Variants in PTPRN2 observed in about 807,000 individuals in gnomAD.
The protein encoded by PTPRN2 is protein tyrosine phosphatase receptor type N2.
A neutral mutation model predicts 118.8 loss-of-function variants in PTPRN2; 74 were observed. The ratio of observed to expected loss-of-function variants is 0.62; its 90% CI spans 0.52 to 0.76. PTPRN2 has a LOEUF of 0.76. Ranked by LOEUF, PTPRN2 falls within the 30% of genes least tolerant of loss-of-function variation. PTPRN2 has a pLI of 0.00. For missense variants in PTPRN2, 1,481 were observed against 1,394.4 expected (o/e 1.06, Z -0.99); for synonymous variants, 641 against 608.0 (o/e 1.05, Z -0.80).
chr7:157,957,489 C>T (rs1272190863), intron 11 of PTPRN2, among the ~76,000 whole-genome samples: 1 of 152,074 alleles, frequency 6.6e-6, no homozygotes, highest in African/African-American at 2.4e-5. Context: ...ACAACAGATA[C>T]AAGATTCAAA....
rs1797560692 is a variant in PTPRN2, at chr7:157,903,081, C to A, written c.1724-4344G>T. Reference sequence around the variant, plus strand: ...GCAAAAGCAGAAAGCCACACGCTGCCACACACTCTCACACGGAAGCAGGAA... The same window carrying A: ...GCAAAAGCAGAAAGCCACACGCTGCAACACACTCTCACACGGAAGCAGGAA... On this transcript the variant is annotated intron_variant, in intron 11 of 22. Transcript: ENST00000389418. This position sits in a 1 kb window ranked among gnomAD's most constrained non-coding sequence, Gnocchi z 4.2. Among the ~76,000 whole-genome samples the A allele has an allele frequency of 6.6e-6, 1 of 151,666 alleles. No individual in the cohort carries two copies. Among genetic ancestry groups the A allele is most frequent in the Non-Finnish European group, 1.5e-5 (1 of 68,026 alleles).
chr7:158,296,303 C>T (rs929915308), intron 3 of PTPRN2, among the ~76,000 whole-genome samples: 2 of 152,138 alleles, frequency 1.3e-5, no homozygotes, highest in African/African-American at 4.8e-5. Flanking sequence ...CACCAGCAGA[C>T]TAGGTAGTTG....
chr7:157,856,714 A>G (rs1010947367), intron 12 of PTPRN2, among the ~76,000 whole-genome samples: 6 of 152,260 alleles, frequency 3.9e-5, no homozygotes, highest in African/African-American at 1.4e-4. Flanking sequence ...CTGTGCTGCA[A>G]TGATGTGTGG....
In PTPRN2 at chr7:157,591,240, CCTTT is replaced by C. The variant is rs888825478; in HGVS notation, c.2496+3994_2496+3997del. On this transcript the variant is annotated intron_variant, in intron 17 of 22. Transcript: ENST00000389418. This position sits in a 1 kb window ranked among gnomAD's most constrained non-coding sequence, Gnocchi z 4.4. ...GACACGGCCATCTTTCCCATCACGG[CCTTT>C]CTCACGCTCACACTTTCTTCCTGGA... Among the ~76,000 whole-genome samples, 7 of 152,174 alleles carry C rather than the reference CCTTT, an allele frequency of 4.6e-5. No individual in the cohort carries two copies. The highest frequency in any genetic ancestry group is 1.7e-4 in the African/African-American group (7 of 41,444).
chr7:158,534,152 GACCACCCACACCCC>G, intron 1 of PTPRN2, among the ~76,000 whole-genome samples: 1 of 103,314 alleles, frequency 9.7e-6, no homozygotes, highest in Non-Finnish European at 2.0e-5. Flanking sequence ...TGCAGGTTGT[GACCACCCACACCCC>G]GGGCTCCGTC....
At chr7:157,807,398 A>G (rs112332449) in intron 12 of PTPRN2, among the ~76,000 whole-genome samples, 102 of 152,312 alleles carry the variant, frequency 6.7e-4, no homozygotes, top group African/African-American at 2.4e-3. Flanking sequence ...TTCAGAGAGC[A>G]GGAATAGCAC....
intron 12 of PTPRN2, among the ~76,000 whole-genome samples, chr7:157,767,751 G>C (rs10256010): frequency 0.035 from 5,291 of 152,298 alleles, 326 homozygotes; most frequent in African/African-American, 0.12. Flanking sequence ...TGTGGAGGCG[G>C]TGGGAACCAG....
intron 12 of PTPRN2, among the ~76,000 whole-genome samples, chr7:157,835,545 G>C (rs556248175): frequency 1.3e-5 from 2 of 152,294 alleles, no homozygotes; most frequent in South Asian, 4.1e-4. Context: ...TCCTAAGGAT[G>C]GGGGAGAGTT....
chr7:157,564,194 C>T (rs1242997316), intron 21 of PTPRN2, among the ~76,000 whole-genome samples: 4 of 152,166 alleles, frequency 2.6e-5, no homozygotes, highest in African/African-American at 9.7e-5. Flanking sequence ...CGCAATGGTG[C>T]GATCTCAGGT....
intron 2 of PTPRN2, among the ~76,000 whole-genome samples, chr7:158,372,616 CGCTGGTCCCCGGA>C (rs1456541336): frequency 6.7e-6 from 1 of 149,090 alleles, no homozygotes; most frequent in Non-Finnish European, 1.5e-5. Context: ...GTCCCCACCA[CGCTGGTCCCCGGA>C]GCTGGTCCCC....
In PTPRN2 at chr7:157,874,393, CCCCCTCCTGT is replaced by C. The variant is rs1257417783; in HGVS notation, c.1788+24270_1788+24279del. Among the ~76,000 whole-genome samples, 2 of 152,200 alleles carry C rather than the reference CCCCCTCCTGT, an allele frequency of 1.3e-5. No individual in the cohort carries two copies. Among genetic ancestry groups the C allele is most frequent in the Non-Finnish European group, 2.9e-5 (2 of 68,024 alleles). On this transcript the variant is annotated intron_variant, in intron 12 of 22. Transcript: ENST00000389418. The surrounding 1 kb of genome is among the most constrained non-coding windows in gnomAD (Gnocchi z 5.8). ...GACCTGACCCAGCTCCTGCTTTCTG[CCCCCTCCTGT>C]CCCCTCTCTCCTGCCCTGCCCCGAT...
At chr7:157,573,219 A>G (rs1474299639) in intron 19 of PTPRN2, among the ~76,000 whole-genome samples, 3 of 152,268 alleles carry the variant, frequency 2.0e-5, no homozygotes, top group South Asian at 4.1e-4. Flanking sequence ...GACTGCACGC[A>G]TGTGTGTGAC....
At chr7:158,334,526 C>G (rs1380984557) in intron 2 of PTPRN2, among the ~76,000 whole-genome samples, 1 of 111,728 alleles carries the variant, frequency 9.0e-6, no homozygotes, top group African/African-American at 3.0e-5. Context: ...GAGGTGACAC[C>G]TGCAGACGTC....
intron 11 of PTPRN2, among the ~76,000 whole-genome samples, chr7:157,927,435 G>A (rs1463256805): frequency 1.7e-5 from 2 of 119,992 alleles, no homozygotes; most frequent in African/African-American, 3.9e-5. Context: ...ACATCTTCTG[G>A]GACCCCAAGA....
intron 12 of PTPRN2, among the ~76,000 whole-genome samples, chr7:157,721,767 C>T (rs1164785773): frequency 6.6e-6 from 1 of 152,180 alleles, no homozygotes; most frequent in African/African-American, 2.4e-5. Flanking sequence ...CGGGTTTCTG[C>T]CTAGGGCTCC....
chr7:158,090,953 T>G (rs1016536056), intron 10 of PTPRN2, among the ~76,000 whole-genome samples: 1 of 152,216 alleles, frequency 6.6e-6, no homozygotes, highest in African/African-American at 2.4e-5. Flanking sequence ...AAGAAAACAC[T>G]GAGCTCCATC....
chr7:158,058,008 A>T (rs1372063877), intron 11 of PTPRN2, among the ~76,000 whole-genome samples: 1 of 152,250 alleles, frequency 6.6e-6, no homozygotes, highest in African/African-American at 2.4e-5. Context: ...CAGGCTTTAC[A>T]AATAATTATC....
intron 3 of PTPRN2, among the ~76,000 whole-genome samples, chr7:158,212,223 C>T (rs929413975): frequency 6.6e-6 from 1 of 151,404 alleles, no homozygotes; most frequent in Non-Finnish European, 1.5e-5. Context: ...ACCATTGTTA[C>T]TGGGAAGGAA....
At chr7:158,265,980 A>G (rs1797843598) in intron 3 of PTPRN2, among the ~76,000 whole-genome samples, 1 of 151,876 alleles carries the variant, frequency 6.6e-6, no homozygotes, top group South Asian at 2.1e-4. Flanking sequence ...TCGCCTCCCC[A>G]GGGGTTGGGG....
Sources: allele counts gnomAD v4.1 joint callset (sites outside exome capture counted in the v4.1 genomes callset), GRCh38; gene constraint gnomAD v4.1.1; non-coding constraint Gnocchi (gnomAD v3.1); transcripts MANE v1.5; gene names NCBI Gene and HGNC (gene_info 2026-07-23, HGNC 2026-07-21).